CDH4: variants seen among roughly 807,000 people sequenced by gnomAD.
CDH4 encodes the protein cadherin 4.
A neutral mutation model predicts 86.0 loss-of-function variants in CDH4; 33 were observed. The observed-to-expected ratio is 0.38, with a 90% confidence interval of 0.29 to 0.51. CDH4 has a LOEUF of 0.51. CDH4 is among the 20% of genes least tolerant of loss of function. The pLI, the probability that CDH4 is intolerant of heterozygous loss-of-function variation, is 0.86. For synonymous variants in CDH4, 555 were observed against 549.4 expected (o/e 1.01, Z -0.14); for missense variants, 1,114 against 1,307.4 (o/e 0.85, Z 2.28).
intron 2 of CDH4, among the ~76,000 whole-genome samples, chr20:61,412,893 G>A (rs780532910): frequency 1.2e-4 from 19 of 152,210 alleles, no homozygotes; most frequent in Non-Finnish European, 2.2e-4. Context: ...CCCTGGGAAC[G>A]GGAAGAGTGT....
intron 2 of CDH4, among the ~76,000 whole-genome samples, chr20:61,395,875 G>A (rs1415720231): frequency 6.6e-6 from 1 of 152,154 alleles, no homozygotes; most frequent in East Asian, 1.9e-4. Flanking sequence ...AACTCTTAGG[G>A]GAGTGTCCTG....
At chr20:61,355,792 C>T (rs1402318797) in intron 2 of CDH4, among the ~76,000 whole-genome samples, 2 of 152,208 alleles carry the variant, frequency 1.3e-5, no homozygotes, top group African/African-American at 2.4e-5. Context: ...CACACACATG[C>T]GTACCACACA....
chr20:61,692,131 G>GTGTC (rs200740967), intron 2 of CDH4, among the ~76,000 whole-genome samples: 2 of 150,810 alleles, frequency 1.3e-5, no homozygotes, highest in African/African-American at 5.0e-5. Context: ...GTGTCTGTGT[G>GTGTC]TGTCTGTATG....
At chr20:61,672,884 G>C (rs1280162657) in intron 2 of CDH4, among the ~76,000 whole-genome samples, 8 of 152,106 alleles carry the variant, frequency 5.3e-5, no homozygotes, top group Admixed American at 5.2e-4. Flanking sequence ...TGAGGGGAGG[G>C]GAAGAGGTGG....
intron 2 of CDH4, among the ~76,000 whole-genome samples, chr20:61,509,577 G>A (rs2085765345): frequency 6.6e-6 from 1 of 151,242 alleles, no homozygotes; most frequent in Non-Finnish European, 1.5e-5. Flanking sequence ...GGCAAGAGGA[G>A]GGTACCAGGG....
chr20:61,768,488 C>G (rs2145980031), intron 3 of CDH4, among the ~76,000 whole-genome samples: 1 of 152,296 alleles, frequency 6.6e-6, no homozygotes, highest in South Asian at 2.1e-4. Flanking sequence ...AATGCTCAGT[C>G]TTCATTCACT....
chr20:61,909,270 C>T (rs1165569275), intron 8 of CDH4, among the ~76,000 whole-genome samples: 1 of 152,178 alleles, frequency 6.6e-6, no homozygotes, highest in Non-Finnish European at 1.5e-5. Flanking sequence ...AGCACCGTCA[C>T]ATCACAGAGC....
chr20:61,344,856 G>A (rs1039006578), intron 2 of CDH4, among the ~76,000 whole-genome samples: 1 of 152,202 alleles, frequency 6.6e-6, no homozygotes, highest in East Asian at 1.9e-4. Context: ...CCAAGCAAGG[G>A]TCGGAATCAG....
intron 2 of CDH4, among the ~76,000 whole-genome samples, chr20:61,737,057 T>C (rs1284265753): frequency 1.3e-5 from 2 of 152,136 alleles, no homozygotes; most frequent in Non-Finnish European, 2.9e-5. Flanking sequence ...GTGCAGCCCT[T>C]CCTGGGAAGG....
At chr20:61,790,861 A>G (rs560781116) in intron 4 of CDH4, among the ~76,000 whole-genome samples, 24 of 149,696 alleles carry the variant, frequency 1.6e-4, no homozygotes, top group Non-Finnish European at 3.1e-4. Context: ...CTATCCATTC[A>G]TCCATCCGTA....
chr20:61,935,957 ACAAAC>A (rs576097999), intron 15 of CDH4, among the ~76,000 whole-genome samples: 178 of 152,238 alleles, frequency 1.2e-3, no homozygotes, highest in African/African-American at 4.2e-3. Flanking sequence ...AATGAAAACA[ACAAAC>A]CAGTCCATAC....
chr20:61,817,358 T>C (rs1240835344), intron 4 of CDH4, among the ~76,000 whole-genome samples: 3 of 152,092 alleles, frequency 2.0e-5, no homozygotes, highest in Admixed American at 2.0e-4. Flanking sequence ...GCCTGGTTGC[T>C]CTCTGGGCTT....
rs117945345 is a variant in CDH4, at chr20:61,830,263, C to T, written c.577-14405C>T. Among the ~76,000 whole-genome samples, 1,171 of 152,224 alleles carry T rather than the reference C, an allele frequency of 7.7e-3. 7 individuals carry two copies. The highest frequency in any genetic ancestry group is 7.3e-3 in the Non-Finnish European group (499 of 68,006). On this transcript the variant is annotated intron_variant, in intron 4 of 15. Coordinates refer to ENST00000614565, the MANE Select transcript of CDH4 (RefSeq NM_001794.5). ...GTCAGAGGCCACATCCCTGCACCTG[C>T]GCAGCACGGCACATCCTGGGGCTCA...
intron 4 of CDH4, among the ~76,000 whole-genome samples, chr20:61,802,944 A>T (rs1979909605): frequency 6.6e-6 from 1 of 152,210 alleles, no homozygotes; most frequent in Non-Finnish European, 1.5e-5. Context: ...AATTCTGTTT[A>T]TCCTGGGTCT....
chr20:61,883,109 C>G (rs6061881), intron 7 of CDH4, among the ~76,000 whole-genome samples: 9,117 of 151,524 alleles, frequency 0.06, 721 homozygotes, highest in African/African-American at 0.18. Flanking sequence ...CCCAAGCCCA[C>G]CCCGCCTGCC....
intron 4 of CDH4, among the ~76,000 whole-genome samples, chr20:61,788,050 C>T (rs1978975213): frequency 6.6e-6 from 1 of 152,098 alleles, no homozygotes; most frequent in East Asian, 1.9e-4. Flanking sequence ...CCTCTGACTG[C>T]CGTGAGGGAC....
At chr20:61,443,054 C>A (rs984320566) in intron 2 of CDH4, among the ~76,000 whole-genome samples, 1 of 152,064 alleles carries the variant, frequency 6.6e-6, no homozygotes, top group Non-Finnish European at 1.5e-5. Context: ...CAAAGCAACC[C>A]CTGATTGAGA....
At chr20:61,299,114 A>G (rs2084372668) in intron 2 of CDH4, among the ~76,000 whole-genome samples, 1 of 152,216 alleles carries the variant, frequency 6.6e-6, no homozygotes, top group African/African-American at 2.4e-5. Context: ...GTTAAGAGAC[A>G]GTCAGAGTGG....
intron 2 of CDH4, among the ~76,000 whole-genome samples, chr20:61,644,502 G>A (rs2087041671): frequency 6.6e-6 from 1 of 152,176 alleles, no homozygotes; most frequent in Non-Finnish European, 1.5e-5. Context: ...CAATAAAGGA[G>A]CCACAGAGCC....
Sources: gnomAD v4.1 joint callset for allele counts (sites outside exome capture counted in the v4.1 genomes callset) on GRCh38, gnomAD v4.1.1 for gene constraint, MANE v1.5 for transcripts, NCBI Gene and HGNC (gene_info 2026-07-23, HGNC 2026-07-21) for gene names.